CYFIP2: variants seen among roughly 807,000 people sequenced by gnomAD.
CYFIP2 encodes cytoplasmic FMR1 interacting protein 2.
CYFIP2 carries 29 observed loss-of-function variants against 158.7 expected under a neutral mutation model. The observed-to-expected ratio is 0.18, with a 90% confidence interval of 0.14 to 0.25. The LOEUF is 0.25. CYFIP2 is among the 10% of genes least tolerant of loss of function. CYFIP2 has a pLI of 1.00. For synonymous variants in CYFIP2, 585 were observed against 617.6 expected (o/e 0.95, Z 0.78); for missense variants, 852 against 1,639.5 (o/e 0.52, Z 8.29).
chr5:157,324,131 G>C, intron 16 of CYFIP2, 57 bp downstream of exon 16: 1 of 1,542,646 alleles, frequency 6.5e-7, no homozygotes, highest in Non-Finnish European at 8.8e-7. Context: ...GGCTCTCAGA[G>C]CCGCTAAGAC....
At chr5:157,314,074 GA>G (rs1294414258) in intron 11 of CYFIP2, among the ~76,000 whole-genome samples, 5 of 152,010 alleles carry the variant, frequency 3.3e-5, no homozygotes, top group Non-Finnish European at 7.4e-5. Flanking sequence ...AAGAATAAAA[GA>G]AAAACATATT....
chr5:157,383,493 G>A (rs909102249), intron 28 of CYFIP2, 134 bp downstream of exon 28: 1 of 735,300 alleles, frequency 1.4e-6, no homozygotes, highest in Non-Finnish European at 2.2e-6. Context: ...CCCAAAAACT[G>A]GTTAATATTA....
At chr5:157,383,751 T>C (rs1229638370) in intron 28 of CYFIP2, among the ~76,000 whole-genome samples, 3 of 152,256 alleles carry the variant, frequency 2.0e-5, no homozygotes, top group African/African-American at 2.4e-5. Context: ...TAGATGCTTA[T>C]GTAACATTGT....
At chr5:157,350,005 C>T (rs1762962834) in intron 23 of CYFIP2, among the ~76,000 whole-genome samples, 2 of 152,056 alleles carry the variant, frequency 1.3e-5, no homozygotes, top group Admixed American at 6.6e-5. Context: ...TGTTTGAATT[C>T]CTTGTAGATT....
intron 3 of CYFIP2, among the ~76,000 whole-genome samples, chr5:157,293,677 G>A (rs1013990442): frequency 6.6e-5 from 10 of 152,058 alleles, no homozygotes; most frequent in Admixed American, 2.0e-4. Flanking sequence ...ACGTAATAAT[G>A]TAATCACCTG....
chr5:157,306,848 C>G (rs1054143070), intron 8 of CYFIP2, among the ~76,000 whole-genome samples: 4 of 151,252 alleles, frequency 2.6e-5, no homozygotes, highest in African/African-American at 7.3e-5. Flanking sequence ...TACCACTGCA[C>G]TCCAGCCCGG....
chr5:157,328,188 A>C, intron 19 of CYFIP2, 139 bp downstream of exon 19: 1 of 774,718 alleles, frequency 1.3e-6, no homozygotes, highest in East Asian at 2.8e-5. Flanking sequence ...CTGGGTGCTG[A>C]GATAGAGTGG....
In CYFIP2 at chr5:157,295,735, G is replaced by A. The variant is rs1758198261; in HGVS notation, c.285+875G>A. Among the ~76,000 whole-genome samples the A allele has an allele frequency of 2.6e-5, 4 of 152,198 alleles. No individual in the cohort carries two copies. The South Asian group carries it at 8.3e-4, about 31-fold the overall frequency. The stretch of plus-strand genomic sequence containing the variant: ...TGTAGCATATTTTATCCACTTAATT[G>A]TTGACTGGTGGATATTTAGCATGAT... On this transcript the variant is annotated intron_variant, in intron 4 of 30. Transcript: ENST00000620254.
chr5:157,304,079 G>C (rs1005576906), intron 7 of CYFIP2, among the ~76,000 whole-genome samples, 159 bp from the exon 8 acceptor site: 1 of 152,150 alleles, frequency 6.6e-6, no homozygotes, highest in African/African-American at 2.4e-5. Flanking sequence ...GAGGATTCAG[G>C]CATCAGGTGC....
chr5:157,323,814 C>A lies in CYFIP2; in HGVS notation c.1672-107C>A. 3.2e-6 allele frequency: 4 copies of A among 1,257,184 alleles called. No individual in the cohort carries two copies. The South Asian group carries it at 6.9e-5, about 22-fold the overall frequency. The allele number at this position is 1,257,184 out of a possible 1,614,324, so 77.9% of individuals were successfully genotyped here. ...TCCTTAGGACAGTGCTTTTTAAGAG[C>A]AGACATCTGCAGAAAAAAAAAAATA... On this transcript the variant is annotated intron_variant, in intron 15 of 30. Coordinates refer to ENST00000620254, the MANE Select transcript of CYFIP2 (RefSeq NM_001037333.3).
intron 23 of CYFIP2, among the ~76,000 whole-genome samples, chr5:157,344,502 A>G (rs564729921): frequency 6.6e-6 from 1 of 152,330 alleles, no homozygotes; most frequent in African/African-American, 2.4e-5. Flanking sequence ...ATGAGGTGCC[A>G]GGACTGAGAC....
intron 1 of CYFIP2, chr5:157,271,643 ACAT>A (rs1756101167): frequency 6.6e-6 from 1 of 152,234 alleles, no homozygotes; most frequent in African/African-American, 2.4e-5. Flanking sequence ...GCAGGTTTGG[ACAT>A]CATGGTTGAG....
rs1263352241 is a variant in CYFIP2, at chr5:157,296,786, G to A, written c.387+12G>A. On this transcript the variant is annotated intron_variant, in intron 5 of 30. Coordinates refer to ENST00000620254, the MANE Select transcript of CYFIP2 (RefSeq NM_001037333.3). ...TCATGTATTTTCAGGTGAGTGGGGA[G>A]GGGCAGGTCTGCATCTGGAGAACTG... 6.2e-7 allele frequency: 1 copy of A among 1,607,324 alleles called. No individual in the cohort carries two copies. Among genetic ancestry groups the A allele is most frequent in the Non-Finnish European group, 8.5e-7 (1 of 1,174,758 alleles).
At chr5:157,370,897 C>T (rs1764934953) in intron 26 of CYFIP2, among the ~76,000 whole-genome samples, 1 of 152,188 alleles carries the variant, frequency 6.6e-6, no homozygotes, top group Non-Finnish European at 1.5e-5. Flanking sequence ...TAATATACAG[C>T]ACTATTCAAG....
At chr5:157,318,742 A>C (rs970582904) in intron 13 of CYFIP2, among the ~76,000 whole-genome samples, 3 of 152,202 alleles carry the variant, frequency 2.0e-5, no homozygotes, top group Admixed American at 2.0e-4. Context: ...TGTCCTGTGT[A>C]TTTCCAGTCT....
At position 157,304,107 on chromosome 5, in the gene CYFIP2, C is replaced by T. The variant is rs532181901; in HGVS notation, c.667-131C>T. 56 of 1,187,638 alleles carry T rather than the reference C, an allele frequency of 4.7e-5. No homozygotes were observed. In the Middle Eastern group the frequency reaches 1.8e-3, roughly 37 times the overall value. 73.6% of individuals were successfully genotyped at this position (1,187,638 alleles called of 1,614,324 possible). On this transcript the variant is annotated intron_variant, in intron 7 of 30. Coordinates refer to ENST00000620254, the MANE Select transcript of CYFIP2 (RefSeq NM_001037333.3). Reference sequence around the variant, plus strand: ...TCAGGTGCCAGCTGGCATGCAGCCTCGCCTCCCTGGAGCTGTGATTCCTGG... The same window carrying T: ...TCAGGTGCCAGCTGGCATGCAGCCTTGCCTCCCTGGAGCTGTGATTCCTGG...
At chr5:157,289,069 G>T (rs1336138874) in intron 3 of CYFIP2, among the ~76,000 whole-genome samples, 1 of 152,164 alleles carries the variant, frequency 6.6e-6, no homozygotes, top group Non-Finnish European at 1.5e-5. Context: ...CCATTTTAGG[G>T]ATGAGAAAAC....
Position 157,393,321 on chromosome 5 carries a change from T to C in CYFIP2, c.*321T>C. 4.6e-6 allele frequency: 1 copy of C among 217,728 alleles called. No individual in the cohort carries two copies. The highest frequency in any genetic ancestry group is 9.0e-6 in the Non-Finnish European group (1 of 110,532). 13.5% of individuals were successfully genotyped at this position (217,728 alleles called of 1,614,324 possible). A position where few individuals can be genotyped will look rare whatever the true frequency, so the allele number is the denominator to read the frequency against. Reference sequence around the variant, plus strand: ...TCTCCATCCCATCATCCCACCTATCTGTGGTTGCTTCCCAAGACCTCCTCC... The same window carrying C: ...TCTCCATCCCATCATCCCACCTATCCGTGGTTGCTTCCCAAGACCTCCTCC... On this transcript the variant is annotated 3_prime_UTR_variant, in exon 31 of 31. Transcript: ENST00000620254.
rs562020621 is a variant in CYFIP2 at position 157,311,380 on chromosome 5, C to T, written c.993-284C>T. On this transcript the variant is annotated intron_variant, in intron 10 of 30. Coordinates refer to ENST00000620254, the MANE Select transcript of CYFIP2 (RefSeq NM_001037333.3). The surrounding 1 kb of genome is among the most constrained non-coding windows in gnomAD (Gnocchi z 4.7). ...TCCTAGAGAGGCTGTGTTCCCGCCC[C>T]TCTCATATTACTGGTAAGTATTATG... The T allele has an allele frequency of 1.5e-5, 7 of 461,622 alleles. No homozygotes were observed. In the East Asian group the frequency reaches 3.0e-4, roughly 20 times the overall value. The allele number at this position is 461,622 out of a possible 1,614,324, so 28.6% of individuals were successfully genotyped here. A position where few individuals can be genotyped will look rare whatever the true frequency, so the allele number is the denominator to read the frequency against.
Sources: gnomAD v4.1 joint callset for allele counts (sites outside exome capture counted in the v4.1 genomes callset) on GRCh38, gnomAD v4.1.1 for gene constraint, Gnocchi (gnomAD v3.1) non-coding constraint, MANE v1.5 for transcripts, NCBI Gene and HGNC (gene_info 2026-07-23, HGNC 2026-07-21) for gene names.